ERI1: variants seen among roughly 807,000 people sequenced by gnomAD.
The protein encoded by ERI1 is 3'-5' exoribonuclease 1.
Under a neutral mutation model 39.7 loss-of-function variants are expected in ERI1, and 39 were observed. That is an observed-to-expected ratio of 0.98 (90% CI 0.76 to 1.28). The LOEUF (loss-of-function observed/expected upper bound fraction) is 1.28. ERI1 is among the 50% of genes most tolerant of loss of function. The pLI is 0.00. For missense variants in ERI1, 581 were observed against 416.9 expected, an observed-to-expected ratio of 1.39 and a Z score of -3.43; for synonymous variants, 204 against 149.6, an observed-to-expected ratio of 1.36 and a Z score of -2.65.
chr8:9,024,940 TAA>T lies in ERI1; in HGVS notation c.807+4485_807+4486del, dbSNP rs34169022. 3.5e-4 allele frequency among the ~76,000 whole-genome samples: 52 copies of T among 150,244 alleles called. 1 individual carries two copies. The South Asian group carries it at 9.4e-3, about 27-fold the overall frequency. ...TTCTGCCTTTGCTCTTCATGCATGT[TAA>T]AAAAAAAAGCTTGCTTACACATGTA... On this transcript the variant is annotated intron_variant, in intron 6 of 6. Transcript: ENST00000250263.
At chr8:9,053,974 T>C (rs968328749) in intron 3 of ERI1, among the ~76,000 whole-genome samples, 1 of 152,208 alleles carries the variant, frequency 6.6e-6, no homozygotes, top group Admixed American at 6.5e-5. Flanking sequence ...AAAGGAAATA[T>C]GTCTGTGATA....
At chr8:9,044,624 T>G (rs1798122771) in intron 3 of ERI1, among the ~76,000 whole-genome samples, 1 of 152,062 alleles carries the variant, frequency 6.6e-6, no homozygotes, top group African/African-American at 2.4e-5. Flanking sequence ...GAGGGCTCTT[T>G]CAGGTGGAAA....
At chr8:9,092,356 C>G (rs1032919002) in intron 3 of ERI1, among the ~76,000 whole-genome samples, 1 of 152,156 alleles carries the variant, frequency 6.6e-6, no homozygotes, top group Non-Finnish European at 1.5e-5. Flanking sequence ...GCTTCTCGTT[C>G]TGTTCAGAAT....
At chr8:9,004,400 T>G in intron 1 of ERI1, 1 of 601,402 alleles carries the variant, frequency 1.7e-6, no homozygotes, top group Non-Finnish European at 2.2e-6. Flanking sequence ...TACAGCTACT[T>G]AAGGCCTAGG....
intron 2 of ERI1, among the ~76,000 whole-genome samples, chr8:9,010,328 A>G (rs1455528904): frequency 6.6e-6 from 1 of 152,172 alleles, no homozygotes; most frequent in Non-Finnish European, 1.5e-5. Context: ...CAATAAAAAG[A>G]TAAAAAAAGA....
chr8:9,083,145 G>A (rs564159511), intron 3 of ERI1, among the ~76,000 whole-genome samples: 3 of 152,230 alleles, frequency 2.0e-5, no homozygotes, highest in South Asian at 4.1e-4. Context: ...AGCTTTTATC[G>A]CTCCATTGAA....
chr8:9,010,458 T>G (rs530505145), intron 2 of ERI1, among the ~76,000 whole-genome samples: 12 of 152,332 alleles, frequency 7.9e-5, no homozygotes, highest in African/African-American at 2.9e-4. Context: ...AGAAACAATA[T>G]TAAGACATTT....
intron 2 of ERI1, among the ~76,000 whole-genome samples, chr8:9,008,824 G>GA (rs1445845157): frequency 2.6e-5 from 4 of 151,930 alleles, no homozygotes; most frequent in Non-Finnish European, 5.9e-5. Context: ...CAGGCATCAA[G>GA]AAAAAAAATT....
intron 3 of ERI1, among the ~76,000 whole-genome samples, chr8:9,050,184 A>AGAT (rs1491032462): frequency 1.4e-4 from 19 of 136,904 alleles, no homozygotes; most frequent in Non-Finnish European, 2.9e-4. Context: ...AAAAAAAAAA[A>AGAT]AGATAGCTAT....
intron 3 of ERI1, among the ~76,000 whole-genome samples, chr8:9,053,524 G>A (rs772359892): frequency 1.1e-4 from 16 of 152,136 alleles, no homozygotes; most frequent in African/African-American, 3.9e-4. Flanking sequence ...TTCTTGAGTC[G>A]TATCCTTTAT....
chr8:9,013,397 G>T (rs13262828), intron 3 of ERI1, among the ~76,000 whole-genome samples: 1 of 150,986 alleles, frequency 6.6e-6, no homozygotes, highest in African/African-American at 2.4e-5. Flanking sequence ...TTTTCTTCAG[G>T]TATAACTTGT....
At chr8:9,037,326 A>C (rs1797884385), downstream of ERI1, among the ~76,000 whole-genome samples, 1 of 152,140 alleles carries the variant, frequency 6.6e-6, no homozygotes, top group South Asian at 2.1e-4. Flanking sequence ...AAGTTAGCCC[A>C]TCAGTCTTAT....
chr8:9,016,217 G>A (rs1817266191), intron 3 of ERI1, 105 bp from the exon 4 acceptor site: 1 of 534,390 alleles, frequency 1.9e-6, no homozygotes, highest in South Asian at 3.9e-5. Context: ...TTTATGCCGT[G>A]AGATCCTATG....
chr8:9,077,509 A>T (rs1332147179), intron 3 of ERI1, among the ~76,000 whole-genome samples: 1 of 12,336 alleles, frequency 8.1e-5, no homozygotes, highest in Non-Finnish European at 2.8e-4. Context: ...TACCCCACAG[A>T]AAAAAAATAG....
chr8:9,064,718 C>T (rs1798812450), intron 3 of ERI1, among the ~76,000 whole-genome samples: 1 of 152,100 alleles, frequency 6.6e-6, no homozygotes, highest in African/African-American at 2.4e-5. Flanking sequence ...GGATCTTTTT[C>T]ACGGACCAAA....
chr8:9,016,671 C>G (rs1000355973), intron 4 of ERI1, among the ~76,000 whole-genome samples: 11 of 152,002 alleles, frequency 7.2e-5, no homozygotes, highest in African/African-American at 2.7e-4. Context: ...TGTTTCCATA[C>G]TGAACTTGGA....
intron 6 of ERI1, among the ~76,000 whole-genome samples, chr8:9,027,829 C>G (rs1398694117): frequency 6.6e-6 from 1 of 152,180 alleles, no homozygotes; most frequent in Non-Finnish European, 1.5e-5. Flanking sequence ...TAATACCACT[C>G]TCTTTCAATT....
intron 3 of ERI1, among the ~76,000 whole-genome samples, chr8:9,085,112 C>T (rs926522347): frequency 6.6e-6 from 1 of 152,182 alleles, no homozygotes; most frequent in African/African-American, 2.4e-5. Flanking sequence ...TGCTTTGTAA[C>T]AAACCCTAGG....
At chr8:9,092,623 G>A (rs1396614762) in intron 3 of ERI1, among the ~76,000 whole-genome samples, 1 of 152,224 alleles carries the variant, frequency 6.6e-6, no homozygotes, top group Non-Finnish European at 1.5e-5. Context: ...CATGACGGCT[G>A]TGAGCTGAGA....
Sources: allele counts gnomAD v4.1 joint callset (sites outside exome capture counted in the v4.1 genomes callset), GRCh38; gene constraint gnomAD v4.1.1; transcripts MANE v1.5; gene names NCBI Gene and HGNC (gene_info 2026-07-23, HGNC 2026-07-21).